The following AP5Z1 variants were observed in gnomAD, a reference collection of about 807,000 sequenced individuals.
AP5Z1 encodes adaptor related protein complex 5 subunit zeta 1.
A neutral mutation model predicts 83.0 loss-of-function variants in AP5Z1; 106 were observed. The observed-to-expected ratio is 1.28, with a 90% CI of 1.09 to 1.50. The LOEUF is 1.50. AP5Z1 is among the 40% of genes most tolerant of loss of function. The pLI is 0.00. For synonymous variants in AP5Z1, 751 were observed against 514.1 expected, an observed-to-expected ratio of 1.46 and a Z score of -6.23; for missense variants, 1,565 against 1,094.2, an observed-to-expected ratio of 1.43 and a Z score of -6.07.
intron 10 of AP5Z1, among the ~76,000 whole-genome samples, chr7:4,787,344 C>T (rs377203723): frequency 7.9e-5 from 12 of 152,106 alleles, no homozygotes; most frequent in African/African-American, 2.2e-4. Flanking sequence ...TAAACAGCCT[C>T]ACATGGTGGT....
In AP5Z1 at chr7:4,783,426, G is replaced by T; in HGVS notation, c.477G>T (p.Lys159Asn). 3 of 1,612,976 alleles carry T rather than the reference G, an allele frequency of 1.9e-6. No homozygotes were observed. Among genetic ancestry groups the T allele is most frequent in the Non-Finnish European group, 2.5e-6 (3 of 1,179,760 alleles). ...GACACCTCCTCCCCGTCATGGCCAA[G>T]GTCGTGGTCCTCAGCCCGGGCACCC... ...SLRHLLPVMA[K>N]VVVLSPGTLQ... Residue 159 changes from lysine (K) to asparagine (N), a missense_variant, in exon 4 of 17, where the codon AAG becomes AAT. Coordinates refer to ENST00000649063, the MANE Select transcript of AP5Z1 (RefSeq NM_014855.3).
intron 14 of AP5Z1, 84 bp from the exon 15 acceptor site, chr7:4,790,375 C>T (rs1337045294): frequency 6.3e-7 from 1 of 1,599,856 alleles, no homozygotes; most frequent in South Asian, 1.1e-5. Flanking sequence ...CAGACGCTTC[C>T]CGGGTTTCTC....
Position 4,787,575 on chromosome 7 carries a change from C to T in AP5Z1, c.1312-59C>T, listed in dbSNP as rs1048316438. 7.2e-6 allele frequency: 11 copies of T among 1,517,802 alleles called. No individual in the cohort carries two copies. The African/African-American group carries it at 9.6e-5, about 13-fold the overall frequency. 94.0% of individuals were successfully genotyped at this position (1,517,802 alleles called of 1,614,324 possible). A position where few individuals can be genotyped will look rare whatever the true frequency, so the allele number is the denominator to read the frequency against. ...GCTGTGGGGCCCTAGCTGGCTCCTC[C>T]CTCTGCCGCCTGCTCCACAGCTCCG... On this transcript the variant is annotated intron_variant, in intron 10 of 16. Transcript: ENST00000649063.
chr7:4,783,969 T>G (rs1182312457), intron 5 of AP5Z1, among the ~76,000 whole-genome samples, 171 bp downstream of exon 5: 1 of 152,096 alleles, frequency 6.6e-6, no homozygotes, highest in Admixed American at 6.5e-5. Flanking sequence ...CTGACCCGTG[T>G]GGCTCTGGGG....
chr7:4,790,576 C>A lies in AP5Z1; in HGVS notation c.1923C>A (p.Ser641Arg). The change falls in exon 15 of 17, where the codon AGC (serine) becomes AGA (arginine). Residue 641 changes from serine (S) to arginine (R), a missense_variant. Transcript: ENST00000649063. ...GSVNGLCSRASLVTSVVWAIG... is the reference protein window; with the variant it reads ...GSVNGLCSRARLVTSVVWAIG... ...TGAATGGTCTCTGCAGCAGGGCGAG[C>A]CTCGTCACCAGCGTGGTAAGGCGGG... 2 of 1,613,044 alleles carry A rather than the reference C, an allele frequency of 1.2e-6. No individual in the cohort carries two copies. The highest frequency in any genetic ancestry group is 8.5e-7 in the Non-Finnish European group (1 of 1,179,860).
chr7:4,776,044 T>A (rs928756705), intron 1 of AP5Z1, among the ~76,000 whole-genome samples: 17 of 152,012 alleles, frequency 1.1e-4, no homozygotes, highest in African/African-American at 4.1e-4. Context: ...GGCTTGGCGG[T>A]GAGAACTCCG....
At chr7:4,787,353 G>A (rs771121459) in intron 10 of AP5Z1, among the ~76,000 whole-genome samples, 9 of 152,142 alleles carry the variant, frequency 5.9e-5, no homozygotes, top group Non-Finnish European at 1.0e-4. Flanking sequence ...TCACATGGTG[G>A]TGTGTGCCTG....
chr7:4,777,351 C>G (rs976500130), intron 1 of AP5Z1, among the ~76,000 whole-genome samples: 39 of 139,248 alleles, frequency 2.8e-4, no homozygotes, highest in African/African-American at 9.7e-4. Flanking sequence ...AGGAAGAGCC[C>G]TCTTTATTTA....
Position 4,785,631 on chromosome 7 carries a change from A to T in AP5Z1, c.1079A>T (p.Asp360Val). The part of the protein sequence containing the change: ...LKALHGRVRG[D>V]PASVRVLLPL... The stretch of plus-strand genomic sequence containing the variant: ...GCCCTGCACGGGCGGGTGCGCGGGG[A>T]CCCGGCCTCTGTGCGGGTGCTGCTG... Residue 360 changes from aspartate to valine, a missense_variant, in exon 9 of 17, where the codon GAC becomes GTC. Transcript: ENST00000649063. 1 of 1,570,750 alleles carries T rather than the reference A, an allele frequency of 6.4e-7. No homozygotes were observed. The highest frequency in any genetic ancestry group is 1.2e-5 in the South Asian group (1 of 86,676).
intron 6 of AP5Z1, 75 bp downstream of exon 6, chr7:4,784,446 G>A (rs1158661970): frequency 4.1e-6 from 6 of 1,476,344 alleles, no homozygotes; most frequent in East Asian, 2.4e-5. Flanking sequence ...AGGGGGACAC[G>A]GGCGGAGGTG....
chr7:4,783,933 C>T lies in AP5Z1; in HGVS notation c.621+135C>T, dbSNP rs916884287. 6.7e-6 allele frequency: 7 copies of T among 1,047,152 alleles called. No individual in the cohort carries two copies. The East Asian group carries it at 1.3e-4, about 20-fold the overall frequency. The allele number at this position is 1,047,152 out of a possible 1,614,324, so 64.9% of individuals were successfully genotyped here. Reference sequence around the variant, plus strand: ...GGACGAGCCTGCCTCTGCTGCGGGGCTTGGGTCAGGCAGGGCCACAGCCCC... The same window carrying T: ...GGACGAGCCTGCCTCTGCTGCGGGGTTTGGGTCAGGCAGGGCCACAGCCCC... On this transcript the variant is annotated intron_variant, in intron 5 of 16. Transcript: ENST00000649063.
intron 9 of AP5Z1, 61 bp downstream of exon 9, chr7:4,785,745 G>A (rs931517895): frequency 3.0e-6 from 4 of 1,341,474 alleles, no homozygotes; most frequent in Non-Finnish European, 3.9e-6. Context: ...GTTTTAGGAT[G>A]GAATTTCTTC....
chr7:4,789,315 A>G (rs1781668092), intron 13 of AP5Z1, among the ~76,000 whole-genome samples: 1 of 152,162 alleles, frequency 6.6e-6, no homozygotes, highest in Non-Finnish European at 1.5e-5. Context: ...AGGACAGGGC[A>G]AGTGAGTGGC....
chr7:4,776,376 C>T (rs777263495), intron 1 of AP5Z1, among the ~76,000 whole-genome samples: 7 of 152,028 alleles, frequency 4.6e-5, no homozygotes, highest in African/African-American at 1.7e-4. Context: ...ACTGAACAGA[C>T]TCACGGTCCA....
intron 13 of AP5Z1, among the ~76,000 whole-genome samples, chr7:4,789,560 C>G (rs192884262): frequency 7.8e-4 from 119 of 152,362 alleles, no homozygotes; most frequent in African/African-American, 2.7e-3. Context: ...CCAAACAAGA[C>G]GTGTGCCTGG....
intron 1 of AP5Z1, among the ~76,000 whole-genome samples, chr7:4,778,787 T>C (rs1485398633): frequency 5.5e-5 from 8 of 145,726 alleles, no homozygotes; most frequent in Non-Finnish European, 1.0e-4. Context: ...TTTAGTAATA[T>C]ATAATATAAT....
rs369285287 is a variant in AP5Z1 at position 4,788,821 on chromosome 7, G to A, written c.1596-19G>A. On this transcript the variant is annotated intron_variant, in intron 12 of 16. Coordinates refer to ENST00000649063, the MANE Select transcript of AP5Z1 (RefSeq NM_014855.3). ...AGGTCGGGGAGCGGGCAGCACTCAC[G>A]GCCACACTGTGTCCTCAGGTTGGCG... 2.5e-5 allele frequency: 39 copies of A among 1,583,942 alleles called. No individual in the cohort carries two copies. The highest frequency in any genetic ancestry group is 5.2e-5 in the Admixed American group (3 of 57,656).
intron 1 of AP5Z1, among the ~76,000 whole-genome samples, 161 bp downstream of exon 1, chr7:4,775,917 G>A (rs1392105944): frequency 6.6e-6 from 1 of 152,200 alleles, no homozygotes; most frequent in Admixed American, 6.5e-5. Context: ...CGGCGGCCAG[G>A]CTTGGGGTGA....
chr7:4,789,599 C>T (rs1330187557), intron 13 of AP5Z1, among the ~76,000 whole-genome samples: 1 of 152,222 alleles, frequency 6.6e-6, no homozygotes, highest in Non-Finnish European at 1.5e-5. Flanking sequence ...GGCAGAGGAG[C>T]CGTGGAACAG....
Sources: gnomAD v4.1 joint callset for allele counts (sites outside exome capture counted in the v4.1 genomes callset) on GRCh38, gnomAD v4.1.1 for gene constraint, MANE v1.5 for transcripts, NCBI Gene and HGNC (gene_info 2026-07-23, HGNC 2026-07-21) for gene names.